Variants in IMMP2L observed in about 807,000 individuals in gnomAD.
IMMP2L encodes the protein inner mitochondrial membrane peptidase subunit 2, also known as mitochondrial inner membrane protease subunit 2.
IMMP2L carries 18 observed loss-of-function variants against 19.3 expected under a neutral mutation model. The ratio of observed to expected loss-of-function variants is 0.93; its 90% CI spans 0.64 to 1.38. The LOEUF (loss-of-function observed/expected upper bound fraction) is 1.38, where lower values mean the gene tolerates loss of function less well. Among genes scored for constraint, IMMP2L ranks in the 40% most tolerant of loss-of-function variants. The probability of loss-of-function intolerance (pLI) is 0.00; values close to 1 mark genes in which losing one functional copy is unlikely to be tolerated. For synonymous variants in IMMP2L, 76 were observed against 73.0 expected (o/e 1.04, Z -0.21); for missense variants, 233 against 218.2 (o/e 1.07, Z -0.43).
chr7:110,784,132 A>T (rs1799918342), intron 5 of IMMP2L, among the ~76,000 whole-genome samples: 1 of 151,926 alleles, frequency 6.6e-6, no homozygotes, highest in African/African-American at 2.4e-5. Context: ...GAATACAATA[A>T]GTAATATTCC....
intron 3 of IMMP2L, among the ~76,000 whole-genome samples, chr7:111,128,383 C>A (rs1236184397): frequency 2.0e-5 from 3 of 152,146 alleles, no homozygotes; most frequent in African/African-American, 7.2e-5. Context: ...AATGATAATG[C>A]TCAGAAAAAA....
rs922474942 is a variant in IMMP2L, at chr7:110,666,981, C to T, written c.409-3260G>A. ...CCGCCTCCCAGGTTCATGCCATTCT[C>T]CTGCCTCAGCCTCCTGAGTAGCTGG... is the stretch of plus-strand genomic sequence containing the variant. On this transcript the variant is annotated intron_variant, in intron 5 of 5. Transcript: ENST00000405709. Among the ~76,000 whole-genome samples the T allele has an allele frequency of 2.0e-5, 3 of 152,172 alleles. No individual in the cohort carries two copies. In the South Asian group the frequency reaches 6.2e-4, roughly 32 times the overall value.
intron 3 of IMMP2L, among the ~76,000 whole-genome samples, chr7:110,985,516 T>C (rs960914979): frequency 1.3e-5 from 2 of 152,202 alleles, no homozygotes; most frequent in Non-Finnish European, 2.9e-5. Flanking sequence ...GTTTCACTAT[T>C]CAAGTTTTCT....
intron 5 of IMMP2L, among the ~76,000 whole-genome samples, chr7:110,692,866 T>C (rs1452987556): frequency 5.3e-5 from 8 of 152,142 alleles, no homozygotes; most frequent in Admixed American, 1.3e-4. Flanking sequence ...AATCACTCTA[T>C]TAGCTGCAAA....
intron 3 of IMMP2L, among the ~76,000 whole-genome samples, chr7:111,242,592 A>G (rs557519586): frequency 6.6e-6 from 1 of 152,144 alleles, no homozygotes; most frequent in South Asian, 2.1e-4. Flanking sequence ...GCTGTATTTC[A>G]CCTAGTGAGC....
chr7:111,130,792 A>C (rs1801772052), intron 3 of IMMP2L, among the ~76,000 whole-genome samples: 1 of 152,098 alleles, frequency 6.6e-6, no homozygotes, highest in South Asian at 2.1e-4. Flanking sequence ...TATAAAATTG[A>C]AATTCATTAT....
chr7:111,055,630 C>T (rs1394240678), intron 3 of IMMP2L, among the ~76,000 whole-genome samples: 1 of 152,128 alleles, frequency 6.6e-6, no homozygotes. Flanking sequence ...ATCCTTGGGC[C>T]GCACTTCTTC....
At chr7:111,203,246 T>C (rs1161802781) in intron 3 of IMMP2L, among the ~76,000 whole-genome samples, 4 of 152,064 alleles carry the variant, frequency 2.6e-5, no homozygotes, top group Non-Finnish European at 4.4e-5. Context: ...TAAACATTTA[T>C]TGAGGGCATC....
chr7:110,890,382 G>A (rs1004642545), intron 4 of IMMP2L, among the ~76,000 whole-genome samples: 4 of 152,054 alleles, frequency 2.6e-5, no homozygotes, highest in African/African-American at 7.2e-5. Flanking sequence ...AGAACTCTTC[G>A]AGCTATAGAA....
chr7:111,264,686 G>A (rs1817654455), intron 3 of IMMP2L, among the ~76,000 whole-genome samples: 1 of 151,162 alleles, frequency 6.6e-6, no homozygotes, highest in Non-Finnish European at 1.5e-5. Flanking sequence ...AAAATGCACG[G>A]CCAACTGGGA....
chr7:110,838,171 CCTATA>C (rs145783290), intron 5 of IMMP2L, among the ~76,000 whole-genome samples: 12,242 of 152,032 alleles, frequency 0.081, 545 homozygotes, highest in Middle Eastern at 0.14. Flanking sequence ...GGCCTTTGAT[CCTATA>C]TTCCTGAAGA....
intron 3 of IMMP2L, among the ~76,000 whole-genome samples, chr7:111,328,112 T>C (rs971399832): frequency 6.6e-6 from 1 of 151,880 alleles, no homozygotes. Flanking sequence ...GATCCAATCT[T>C]ACTCAGAGAA....
At chr7:111,373,829 G>C (rs116993986) in intron 3 of IMMP2L, among the ~76,000 whole-genome samples, 1 of 151,944 alleles carries the variant, frequency 6.6e-6, no homozygotes, top group Non-Finnish European at 1.5e-5. Flanking sequence ...TGAAGAACAC[G>C]AGAAAATACA....
rs1382024687 is a variant in IMMP2L, at chr7:111,319,004, T to A, written c.239+168234A>T. 3.9e-5 allele frequency among the ~76,000 whole-genome samples: 6 copies of A among 152,102 alleles called. No individual in the cohort carries two copies. In the South Asian group the frequency reaches 1.2e-3, roughly 31 times the overall value. The stretch of plus-strand genomic sequence containing the variant: ...CATTACCTTAAATGTTGTCCACACA[T>A]CACAATGACCAATAAGAAAACATCC... On this transcript the variant is annotated intron_variant, in intron 3 of 5. Transcript: ENST00000405709.
intron 3 of IMMP2L, chr7:111,124,499 A>T (rs1344920526): frequency 6.2e-7 from 1 of 1,613,958 alleles, no homozygotes; most frequent in Non-Finnish European, 8.5e-7. Context: ...TCTGATGTCA[A>T]GGTATATAAT....
chr7:111,205,666 TAGG>T (rs1435340212), intron 3 of IMMP2L, among the ~76,000 whole-genome samples: 1 of 151,890 alleles, frequency 6.6e-6, no homozygotes, highest in East Asian at 1.9e-4. Flanking sequence ...ACAAAAAATA[TAGG>T]AGATTTACAC....
At chr7:111,141,193 GT>G (rs1405710009) in intron 3 of IMMP2L, among the ~76,000 whole-genome samples, 2 of 151,684 alleles carry the variant, frequency 1.3e-5, no homozygotes, top group African/African-American at 4.8e-5. Context: ...TTTTTCTGGT[GT>G]TACCACCAAA....
rs118126625 is a variant in IMMP2L, at chr7:110,685,523, C to A, written c.409-21802G>T. Among the ~76,000 whole-genome samples, 54 of 152,218 alleles carry A rather than the reference C, an allele frequency of 3.5e-4. 1 individual carries two copies. The East Asian group carries it at 0.01, about 29-fold the overall frequency. On this transcript the variant is annotated intron_variant, in intron 5 of 5. Coordinates refer to ENST00000405709, the MANE Select transcript of IMMP2L (RefSeq NM_032549.4). ...TGAAAATAGCTGCATTATATCATAT[C>A]CCATTATTAACAGTTAATGGTGCTG...
At chr7:110,925,978 A>T (rs1814809270) in intron 4 of IMMP2L, among the ~76,000 whole-genome samples, 1 of 152,084 alleles carries the variant, frequency 6.6e-6, no homozygotes, top group East Asian at 1.9e-4. Flanking sequence ...AGTTTTTTAA[A>T]AATATATTAC....
Sources: allele counts gnomAD v4.1 joint callset (sites outside exome capture counted in the v4.1 genomes callset), GRCh38; gene constraint gnomAD v4.1.1; transcripts MANE v1.5; gene names NCBI Gene and HGNC (gene_info 2026-07-23, HGNC 2026-07-21).